Variants in NT5DC1 observed in about 807,000 individuals in gnomAD.
NT5DC1 encodes 5'-nucleotidase domain-containing protein 1.
A neutral mutation model predicts 59.4 loss-of-function variants in NT5DC1; 42 were observed. The ratio of observed to expected loss-of-function variants is 0.71; its 90% CI spans 0.55 to 0.92. The LOEUF (loss-of-function observed/expected upper bound fraction) is 0.92, where lower values mean the gene tolerates loss of function less well. NT5DC1 is among the 40% of genes least tolerant of loss of function. The pLI is 0.00. For synonymous variants in NT5DC1, 172 were observed against 188.1 expected, an observed-to-expected ratio of 0.91 and a Z score of 0.70; for missense variants, 501 against 537.1, an observed-to-expected ratio of 0.93 and a Z score of 0.66.
At chr6:116,207,786 TGCC>T (rs1422466527) in intron 6 of NT5DC1, among the ~76,000 whole-genome samples, 2 of 151,986 alleles carry the variant, frequency 1.3e-5, no homozygotes, top group Non-Finnish European at 2.9e-5. Flanking sequence ...CCTGAGTCTC[TGCC>T]CACTCCTTGC....
At chr6:116,202,039 G>C (rs1361339480) in intron 6 of NT5DC1, among the ~76,000 whole-genome samples, 1 of 151,946 alleles carries the variant, frequency 6.6e-6, no homozygotes, top group Non-Finnish European at 1.5e-5. Flanking sequence ...GTCCAGTGTG[G>C]TAGCCATTAA....
intron 6 of NT5DC1, chr6:116,121,205 G>A: frequency 6.2e-7 from 1 of 1,613,652 alleles, no homozygotes; most frequent in Non-Finnish European, 8.5e-7. Flanking sequence ...CTTCAGGCCT[G>A]GCAAGCCTGG....
At chr6:116,198,146 G>A (rs1274327371) in intron 6 of NT5DC1, among the ~76,000 whole-genome samples, 2 of 152,070 alleles carry the variant, frequency 1.3e-5, no homozygotes, top group Non-Finnish European at 2.9e-5. Flanking sequence ...TCAACAAATA[G>A]GGATTCAGTC....
chr6:116,192,072 T>C (rs1781131006), intron 6 of NT5DC1, among the ~76,000 whole-genome samples: 1 of 152,050 alleles, frequency 6.6e-6, no homozygotes, highest in Non-Finnish European at 1.5e-5. Context: ...TTGGTAATCA[T>C]TAATATCATG....
chr6:116,242,031 A>G (rs1460729799), intron 11 of NT5DC1, among the ~76,000 whole-genome samples: 1 of 152,068 alleles, frequency 6.6e-6, no homozygotes, highest in Non-Finnish European at 1.5e-5. Context: ...ATTACATTAA[A>G]TGTATGTGAC....
intron 6 of NT5DC1, among the ~76,000 whole-genome samples, chr6:116,184,334 C>G (rs1161657594): frequency 6.6e-6 from 1 of 152,024 alleles, no homozygotes; most frequent in African/African-American, 2.4e-5. Context: ...CATTTATGTT[C>G]ATCAGGGATA....
At chr6:116,106,204 G>T in intron 1 of NT5DC1, 40 bp from the exon 2 acceptor site, 1 of 931,574 alleles carries the variant, frequency 1.1e-6, no homozygotes, top group Non-Finnish European at 1.8e-6. Context: ...ATGAATAGTG[G>T]GTGTTATATT....
At chr6:116,172,607 A>C (rs1291397354) in intron 6 of NT5DC1, among the ~76,000 whole-genome samples, 1 of 152,162 alleles carries the variant, frequency 6.6e-6, no homozygotes, top group Admixed American at 6.5e-5. Context: ...GGTGTGAGCC[A>C]CCGCGCCAGG....
At chr6:116,133,243 T>C (rs899947167) in intron 6 of NT5DC1, among the ~76,000 whole-genome samples, 1 of 152,216 alleles carries the variant, frequency 6.6e-6, no homozygotes, top group Non-Finnish European at 1.5e-5. Flanking sequence ...TCAGGGATCT[T>C]GGCTACCCAA....
intron 6 of NT5DC1, among the ~76,000 whole-genome samples, chr6:116,204,579 A>G (rs1164017335): frequency 6.6e-6 from 1 of 151,992 alleles, no homozygotes; most frequent in Non-Finnish European, 1.5e-5. Flanking sequence ...TTAAGATTAG[A>G]AACGCAGATA....
chr6:116,199,489 A>G (rs1781302226), intron 6 of NT5DC1, among the ~76,000 whole-genome samples: 1 of 152,078 alleles, frequency 6.6e-6, no homozygotes, highest in Non-Finnish European at 1.5e-5. Flanking sequence ...AGAAATATGT[A>G]TGTACAAAAG....
chr6:116,170,084 T>C (rs755113912), intron 6 of NT5DC1, among the ~76,000 whole-genome samples: 11 of 152,184 alleles, frequency 7.2e-5, no homozygotes, highest in Non-Finnish European at 1.0e-4. Flanking sequence ...ATCCCTCTTT[T>C]CTTCAGTAGG....
In NT5DC1 at chr6:116,100,954, CG is replaced by C. The variant is rs781488113; in HGVS notation, c.25del (p.Ala9ProfsTer33). On this transcript the variant is annotated frameshift_variant, in exon 1 of 12. Transcript: ENST00000319550. LOFTEE classifies it high-confidence loss of function. Reference protein sequence around the residue: MAQHFSLAACDVVGFDLDH... With the variant: MAQHFSLAXCDVVGFDLDH... ...CCATGGCTCAGCACTTCTCCCTGGC[CG>C]CCTGCGACGTGGTCGGATTCGACCT... is the stretch of plus-strand genomic sequence containing the variant. 6.2e-7 allele frequency: 1 copy of C among 1,604,582 alleles called. No homozygotes were observed. The highest frequency in any genetic ancestry group is 1.7e-5 in the Admixed American group (1 of 59,536).
At position 116,121,633 on chromosome 6, in the gene NT5DC1, C is replaced by G. The variant is rs1779131623; in HGVS notation, c.529+3688C>G. The G allele has an allele frequency of 1.9e-6, 3 of 1,613,918 alleles. No homozygotes were observed. In the African/African-American group the frequency reaches 4.0e-5, roughly 22 times the overall value. On this transcript the variant is annotated intron_variant, in intron 6 of 11. Coordinates refer to ENST00000319550, the MANE Select transcript of NT5DC1 (RefSeq NM_152729.3). ...TGGGTCCTGGGGCTCCTGTGGGTCC[C>G]TGTTGTCCAGGTTTTCCTGGCACAG...
chr6:116,201,640 G>A (rs1017120618), intron 6 of NT5DC1, among the ~76,000 whole-genome samples: 5 of 151,926 alleles, frequency 3.3e-5, no homozygotes, highest in Non-Finnish European at 5.9e-5. Flanking sequence ...TATTATTTAG[G>A]CTTGTTTGAC....
intron 6 of NT5DC1, among the ~76,000 whole-genome samples, chr6:116,185,912 T>C (rs1319472281): frequency 1.3e-5 from 2 of 152,132 alleles, no homozygotes; most frequent in African/African-American, 2.4e-5. Flanking sequence ...ATCCTGCAAG[T>C]TGTTTCCTGA....
At chr6:116,117,252 G>A (rs1562120162) in intron 5 of NT5DC1, among the ~76,000 whole-genome samples, 1 of 151,956 alleles carries the variant, frequency 6.6e-6, no homozygotes, top group Non-Finnish European at 1.5e-5. Flanking sequence ...TATAACGAGT[G>A]GAAATTTTTA....
chr6:116,201,102 G>GTAC (rs1781337663), intron 6 of NT5DC1, among the ~76,000 whole-genome samples: 3 of 151,982 alleles, frequency 2.0e-5, no homozygotes, highest in Admixed American at 1.3e-4. Context: ...TGCCCAAGAG[G>GTAC]TACTGCACCT....
chr6:116,111,436 C>G (rs1220692318), intron 4 of NT5DC1, among the ~76,000 whole-genome samples: 1 of 152,066 alleles, frequency 6.6e-6, no homozygotes, highest in Non-Finnish European at 1.5e-5. Context: ...TTTCTACTGC[C>G]TTTAAAGAGT....
Sources: gnomAD v4.1 joint callset for allele counts (sites outside exome capture counted in the v4.1 genomes callset) on GRCh38, gnomAD v4.1.1 for gene constraint, MANE v1.5 for transcripts, NCBI Gene and HGNC (gene_info 2026-07-23, HGNC 2026-07-21) for gene names.